ANKRD30BL: variants seen among roughly 807,000 people sequenced by gnomAD.
The protein encoded by ANKRD30BL is ankyrin repeat domain 30B like.
ANKRD30BL carries 20 observed loss-of-function variants against 18.4 expected under a neutral mutation model. The observed-to-expected ratio is 1.09, with a 90% CI of 0.77 to 1.58. The LOEUF is 1.58. Among genes scored for constraint, ANKRD30BL ranks in the 40% most tolerant of loss-of-function variants. ANKRD30BL has a pLI of 0.00. For synonymous variants in ANKRD30BL, 72 were observed against 100.9 expected (o/e 0.71, Z 1.72); for missense variants, 224 against 268.6 (o/e 0.83, Z 1.16).
intron 1 of ANKRD30BL, among the ~76,000 whole-genome samples, chr2:132,175,541 A>G (rs1688352934): frequency 6.6e-6 from 1 of 152,208 alleles, no homozygotes; most frequent in Admixed American, 6.5e-5. Context: ...GCCTTCCTCT[A>G]TCTCAACTGC....
intron 1 of ANKRD30BL, chr2:132,253,173 GC>G: frequency 4.5e-6 from 1 of 222,860 alleles, no homozygotes; most frequent in South Asian, 4.9e-5. Flanking sequence ...GACAGGCATA[GC>G]CCTGGGAGGA....
intron 1 of ANKRD30BL, among the ~76,000 whole-genome samples, chr2:132,179,234 A>G (rs1446545346): frequency 6.6e-6 from 1 of 152,120 alleles, no homozygotes. Context: ...AATACCTGAT[A>G]ATGATAATAA....
At chr2:132,165,897 T>C (rs1688180739), upstream of ANKRD30BL, among the ~76,000 whole-genome samples, 1 of 152,134 alleles carries the variant, frequency 6.6e-6, no homozygotes, top group African/African-American at 2.4e-5. Context: ...TTCTTGCTCC[T>C]GGTTTTTGGG....
intron 1 of ANKRD30BL, among the ~76,000 whole-genome samples, chr2:132,222,598 G>A (rs950256574): frequency 4.6e-5 from 7 of 151,860 alleles, no homozygotes; most frequent in South Asian, 4.2e-4. Context: ...GATTAAGGGC[G>A]GTCCAAGATG....
At chr2:132,247,499 C>G (rs1381631812) in intron 1 of ANKRD30BL, among the ~76,000 whole-genome samples, 1 of 151,624 alleles carries the variant, frequency 6.6e-6, no homozygotes, top group Admixed American at 6.6e-5. Flanking sequence ...TTCCAAACAG[C>G]TCAATGAAAA....
chr2:132,196,631 C>T (rs1678974581), intron 1 of ANKRD30BL, among the ~76,000 whole-genome samples: 1 of 151,938 alleles, frequency 6.6e-6, no homozygotes, highest in Non-Finnish European at 1.5e-5. Flanking sequence ...ACTAAAAATT[C>T]AAAAATTAGC....
rs200465566 is a variant in ANKRD30BL, at chr2:132,148,053, A to G, written c.*78T>C. 12 of 1,077,614 alleles carry G rather than the reference A, an allele frequency of 1.1e-5. No individual in the cohort carries two copies. The Admixed American group carries it at 1.2e-4, about 11-fold the overall frequency. 66.8% of individuals were successfully genotyped at this position (1,077,614 alleles called of 1,614,324 possible). On this transcript the variant is annotated 3_prime_UTR_variant, in exon 6 of 6. Transcript: ENST00000409867. Reference sequence around the variant, plus strand: ...TTCTTTGATGAGGAACTCAGAACTCATTGTACTTAATCTTCCCCCTCTTGA... The same window carrying G: ...TTCTTTGATGAGGAACTCAGAACTCGTTGTACTTAATCTTCCCCCTCTTGA...
intron 1 of ANKRD30BL, among the ~76,000 whole-genome samples, chr2:132,168,426 A>G (rs558877407): frequency 6.6e-6 from 1 of 152,322 alleles, no homozygotes; most frequent in Non-Finnish European, 1.5e-5. Flanking sequence ...CATCCTTACA[A>G]AAGAAAGAAA....
At chr2:132,165,610 C>T (rs1349329283), upstream of ANKRD30BL, among the ~76,000 whole-genome samples, 11 of 151,676 alleles carry the variant, frequency 7.3e-5, no homozygotes, top group African/African-American at 2.7e-4. Context: ...GTAGTCCCAG[C>T]TACTCTGGAG....
At chr2:132,177,153 A>ATTT (rs143824901) in intron 1 of ANKRD30BL, among the ~76,000 whole-genome samples, 1 of 143,996 alleles carries the variant, frequency 6.9e-6, no homozygotes, top group East Asian at 2.0e-4. Flanking sequence ...AGATGTGCCT[A>ATTT]TTTTTTTTTT....
At chr2:132,177,903 GT>G (rs575923126) in intron 1 of ANKRD30BL, among the ~76,000 whole-genome samples, 9 of 151,776 alleles carry the variant, frequency 5.9e-5, no homozygotes, top group Non-Finnish European at 8.8e-5. Flanking sequence ...TTTTTGTTTG[GT>G]TTTTTTGTTT....
At chr2:132,217,793 C>T (rs1411274337) in intron 1 of ANKRD30BL, among the ~76,000 whole-genome samples, 3 of 152,266 alleles carry the variant, frequency 2.0e-5, no homozygotes, top group Non-Finnish European at 2.9e-5. Context: ...AAACTCTAGA[C>T]AGAAGCATTC....
chr2:132,220,817 G>A (rs1238060460), intron 1 of ANKRD30BL, among the ~76,000 whole-genome samples: 1 of 151,394 alleles, frequency 6.6e-6, no homozygotes, highest in African/African-American at 2.4e-5. Flanking sequence ...GTCTCTGCCT[G>A]GCCGCCCATC....
chr2:132,150,138 A>G lies in ANKRD30BL; in HGVS notation c.679+774T>C, dbSNP rs188373918. Among the ~76,000 whole-genome samples, 537 of 152,198 alleles carry G rather than the reference A, an allele frequency of 3.5e-3. 1 individual carries two copies. The highest frequency in any genetic ancestry group is 0.012 in the African/African-American group (517 of 41,548). ...ACTGTAATTAATTCTAATTTTCTGA[A>G]TGCAAATCATTTATTACAAAAATTA... is the stretch of plus-strand genomic sequence containing the variant. On this transcript the variant is annotated intron_variant, in intron 5 of 5. Transcript: ENST00000409867.
upstream of ANKRD30BL, among the ~76,000 whole-genome samples, chr2:132,164,611 T>C (rs1261265388): frequency 6.6e-6 from 1 of 152,124 alleles, no homozygotes; most frequent in African/African-American, 2.4e-5. Context: ...CTAAGATGCT[T>C]ATGTCAGCAC....
rs200320417 is a variant in ANKRD30BL at position 132,226,659 on chromosome 2, T to A, written n.441+30870A>T. Among the ~76,000 whole-genome samples the A allele has an allele frequency of 2.9e-3, 416 of 141,534 alleles. 1 individual carries two copies. Among genetic ancestry groups the A allele is most frequent in the African/African-American group, 9.9e-3 (377 of 38,178 alleles). 92.9% of individuals were successfully genotyped at this position (141,534 alleles called of 152,430 possible). A position where few individuals can be genotyped will look rare whatever the true frequency, so the allele number is the denominator to read the frequency against. On this transcript the variant is annotated intron_variant and non_coding_transcript_variant, in intron 1 of 4. Coordinates refer to the ANKRD30BL transcript ENST00000470729. Reference sequence around the variant, plus strand: ...GTAGAATCTGCAAGTGGACATTTGGTGTGCTTTGAGGCCTATGGTGGAAAA... The same window carrying A: ...GTAGAATCTGCAAGTGGACATTTGGAGTGCTTTGAGGCCTATGGTGGAAAA...
intron 1 of ANKRD30BL, 73 bp downstream of exon 1, chr2:132,161,415 C>T: frequency 1.5e-6 from 2 of 1,358,100 alleles, no homozygotes; most frequent in Non-Finnish European, 1.0e-6. Flanking sequence ...ACCCCCAGGC[C>T]CCACTCTGAA....
intron 1 of ANKRD30BL, among the ~76,000 whole-genome samples, chr2:132,204,734 C>T (rs1167655243): frequency 6.6e-6 from 1 of 152,094 alleles, no homozygotes; most frequent in Non-Finnish European, 1.5e-5. Context: ...GGTATATATA[C>T]TCTAAATTTT....
intron 1 of ANKRD30BL, among the ~76,000 whole-genome samples, chr2:132,235,688 A>G (rs1274126949): frequency 5.3e-5 from 8 of 152,190 alleles, no homozygotes; most frequent in Non-Finnish European, 8.8e-5. Context: ...GAAATAAAAG[A>G]GGATACAAAC....
Sources: gnomAD v4.1 joint callset for allele counts (sites outside exome capture counted in the v4.1 genomes callset) on GRCh38, gnomAD v4.1.1 for gene constraint, MANE v1.5 for transcripts, NCBI Gene and HGNC (gene_info 2026-07-23, HGNC 2026-07-21) for gene names.